FRMD4A: variants seen among roughly 807,000 people sequenced by gnomAD.
FRMD4A encodes the protein FERM domain-containing protein 4A.
A neutral mutation model predicts 129.1 loss-of-function variants in FRMD4A; 29 were observed. That is an observed-to-expected ratio of 0.22 (90% CI 0.17 to 0.31). FRMD4A has a LOEUF of 0.31. Among genes scored for constraint, FRMD4A ranks in the 10% least tolerant of loss-of-function variants. FRMD4A has a pLI of 1.00. For missense variants in FRMD4A, 1,272 were observed against 1,375.8 expected, an observed-to-expected ratio of 0.92 and a Z score of 1.19; for synonymous variants, 634 against 571.6, an observed-to-expected ratio of 1.11 and a Z score of -1.56.
intron 2 of FRMD4A, among the ~76,000 whole-genome samples, chr10:13,995,132 A>T (rs1052955808): frequency 5.3e-5 from 8 of 152,222 alleles, no homozygotes; most frequent in African/African-American, 1.9e-4. Flanking sequence ...TACATGAGAC[A>T]TGTTTCTCTT....
chr10:13,654,944 C>G (rs529005764), intron 22 of FRMD4A: 37 of 174,792 alleles, frequency 2.1e-4, no homozygotes, highest in Admixed American at 6.7e-4. Context: ...TTCAGTGTGG[C>G]CCTGTTATGA....
intron 2 of FRMD4A, among the ~76,000 whole-genome samples, chr10:14,020,916 C>A (rs12762760): frequency 0.18 from 27,629 of 152,030 alleles, 3,116 homozygotes; most frequent in East Asian, 0.44. Context: ...AAAACAGATG[C>A]CTTTTCTAGG....
rs557726119 is a variant in FRMD4A, at chr10:13,693,616, T to G, written c.1117+282A>C. ...GCTTGCCATGGGGATTGTGAAACGCTCTGGGGGGTACCTGAAGACACTTAA... is the reference window on the plus strand; with the variant it reads ...GCTTGCCATGGGGATTGTGAAACGCGCTGGGGGGTACCTGAAGACACTTAA... On this transcript the variant is annotated intron_variant, in intron 15 of 24. Coordinates refer to ENST00000357447, the MANE Select transcript of FRMD4A (RefSeq NM_018027.5). 1.5e-4 allele frequency: 113 copies of G among 750,818 alleles called. 1 individual carries two copies. In the South Asian group the frequency reaches 1.9e-3, roughly 13 times the overall value. The allele number at this position is 750,818 out of a possible 1,614,324, so 46.5% of individuals were successfully genotyped here. A position where few individuals can be genotyped will look rare whatever the true frequency, so the allele number is the denominator to read the frequency against.
intron 6 of FRMD4A, among the ~76,000 whole-genome samples, chr10:13,775,447 T>C (rs547907172): frequency 1.3e-5 from 2 of 152,220 alleles, no homozygotes; most frequent in Non-Finnish European, 2.9e-5. Flanking sequence ...TATATTTCTA[T>C]ATCCAGTCAA....
In FRMD4A at chr10:13,980,006, C is replaced by T. The variant is rs758246639; in HGVS notation, c.46-121094G>A. Among the ~76,000 whole-genome samples the T allele has an allele frequency of 2.0e-5, 3 of 152,314 alleles. No individual in the cohort carries two copies. In the South Asian group the frequency reaches 6.2e-4, roughly 32 times the overall value. On this transcript the variant is annotated intron_variant, in intron 2 of 24. Coordinates refer to ENST00000357447, the MANE Select transcript of FRMD4A (RefSeq NM_018027.5). ...TTTGGAAAGAAAACAACACTCACCACGGCATTCACAATGCTGGGGACCTGA... is the reference window on the plus strand; with the variant it reads ...TTTGGAAAGAAAACAACACTCACCATGGCATTCACAATGCTGGGGACCTGA...
intron 2 of FRMD4A, among the ~76,000 whole-genome samples, chr10:14,213,946 C>A (rs76783720): frequency 6.6e-6 from 1 of 152,304 alleles, no homozygotes; most frequent in African/African-American, 2.4e-5. Context: ...GTAAGACATG[C>A]CTTTCAACTT....
intron 8 of FRMD4A, chr10:13,756,084 G>A (rs1221638569): frequency 6.6e-6 from 1 of 152,182 alleles, no homozygotes; most frequent in Non-Finnish European, 1.5e-5. Context: ...GGAGAATCCT[G>A]TTTTAGTGAT....
At chr10:13,806,794 C>G (rs2093363977) in intron 4 of FRMD4A, among the ~76,000 whole-genome samples, 1 of 152,158 alleles carries the variant, frequency 6.6e-6, no homozygotes, top group Admixed American at 6.5e-5. Context: ...ATCCCTAACT[C>G]TAGCAAAATA....
intron 2 of FRMD4A, among the ~76,000 whole-genome samples, chr10:13,886,093 ACTT>A (rs2094616371): frequency 6.6e-6 from 1 of 151,984 alleles, no homozygotes; most frequent in Non-Finnish European, 1.5e-5. Context: ...ACATCTATAT[ACTT>A]CTTCCCAGGC....
rs571995470 is a variant in FRMD4A at position 13,818,341 on chromosome 10, A to T, written c.112-7433T>A. Among the ~76,000 whole-genome samples, 74 of 151,438 alleles carry T rather than the reference A, an allele frequency of 4.9e-4. No homozygotes were observed. The South Asian group carries it at 0.01, about 21-fold the overall frequency. On this transcript the variant is annotated intron_variant, in intron 3 of 24. Transcript: ENST00000357447. ...ACCATGGCTGGCTAATTAAAAAAAA[A>T]TTTTTTTTTGTAAAGATGGATTCTT...
At chr10:14,223,845 T>A (rs1843346759) in intron 2 of FRMD4A, among the ~76,000 whole-genome samples, 1 of 150,658 alleles carries the variant, frequency 6.6e-6, no homozygotes, top group Non-Finnish European at 1.5e-5. Flanking sequence ...ACCCCACATC[T>A]CCCTGTCGTT....
chr10:13,834,162 G>A (rs2093835788), intron 3 of FRMD4A, among the ~76,000 whole-genome samples: 1 of 152,126 alleles, frequency 6.6e-6, no homozygotes, highest in Admixed American at 6.5e-5. Context: ...TACTTGGGAG[G>A]CTGAGGCAGG....
intron 2 of FRMD4A, among the ~76,000 whole-genome samples, chr10:14,168,095 AG>A (rs1841286199): frequency 1.3e-5 from 2 of 152,348 alleles, no homozygotes; most frequent in South Asian, 4.1e-4. Context: ...CTTCTAATGC[AG>A]AAGAGAGACG....
In FRMD4A at chr10:13,740,830, T is replaced by TTTTG. The variant is rs574758352; in HGVS notation, c.549-254_549-253insCAAA. Among the ~76,000 whole-genome samples, 1,799 of 144,340 alleles carry TTTTG rather than the reference T, an allele frequency of 0.012. 87 individuals are homozygous for TTTTG. The South Asian group carries it at 0.13, about 10-fold the overall frequency. 94.7% of individuals were successfully genotyped at this position (144,340 alleles called of 152,430 possible). On this transcript the variant is annotated intron_variant, in intron 9 of 24. Coordinates refer to ENST00000357447, the MANE Select transcript of FRMD4A (RefSeq NM_018027.5). ...ATTCTCTTTGTCTTGGATGTTTGTT[T>TTTTG]TTTTTTTTTTTTTTGAGACGGAGTC...
chr10:14,224,689 A>G (rs923701174), intron 2 of FRMD4A, among the ~76,000 whole-genome samples: 4 of 152,174 alleles, frequency 2.6e-5, no homozygotes, highest in East Asian at 1.9e-4. Context: ...GCAGCAAAAG[A>G]TAAGAGAAGG....
chr10:13,837,046 C>T (rs911099292), intron 3 of FRMD4A, among the ~76,000 whole-genome samples: 5 of 152,112 alleles, frequency 3.3e-5, no homozygotes, highest in African/African-American at 9.7e-5. Context: ...CATGAGCCAC[C>T]GCACCCGGCC....
intron 2 of FRMD4A, among the ~76,000 whole-genome samples, chr10:14,292,582 G>C (rs1194927171): frequency 6.6e-6 from 1 of 152,224 alleles, no homozygotes; most frequent in Non-Finnish European, 1.5e-5. Flanking sequence ...AGTGGATCAT[G>C]AGGTCAGGAG....
At chr10:13,738,269 A>T (rs2090765448) in intron 11 of FRMD4A, among the ~76,000 whole-genome samples, 1 of 152,098 alleles carries the variant, frequency 6.6e-6, no homozygotes, top group South Asian at 2.1e-4. Context: ...TAGGCATTCC[A>T]TGCCGGGATG....
chr10:14,031,952 G>A (rs1010256988), intron 2 of FRMD4A, among the ~76,000 whole-genome samples: 4 of 151,820 alleles, frequency 2.6e-5, no homozygotes, highest in African/African-American at 7.3e-5. Flanking sequence ...TAGAGTCAGC[G>A]GCCTTGGTTC....
Sources: allele counts gnomAD v4.1 joint callset (sites outside exome capture counted in the v4.1 genomes callset), GRCh38; gene constraint gnomAD v4.1.1; transcripts MANE v1.5; gene names NCBI Gene and HGNC (gene_info 2026-07-23, HGNC 2026-07-21).